The following RBL2 variants were observed in gnomAD, a reference collection of about 807,000 sequenced individuals.
RBL2 encodes the protein RB transcriptional corepressor like 2.
A neutral mutation model predicts 126.0 loss-of-function variants in RBL2; 56 were observed. That is an observed-to-expected ratio of 0.44 (90% CI 0.36 to 0.56). The LOEUF (loss-of-function observed/expected upper bound fraction) is 0.56. Ranked by LOEUF, RBL2 falls within the 20% of genes least tolerant of loss-of-function variation. The pLI, the probability that RBL2 is intolerant of heterozygous loss-of-function variation, is 0.00. For missense variants in RBL2, 1,229 were observed against 1,398.2 expected (o/e 0.88, Z 1.93); for synonymous variants, 454 against 478.5 (o/e 0.95, Z 0.67).
rs1466611015 is a variant in RBL2 at position 53,464,338 on chromosome 16, A to G, written c.1673A>G (p.Asp558Gly). The change falls in exon 12 of 22, where the codon GAT becomes GGT. Residue 558 changes from aspartate (D) to glycine (G), a missense_variant. Around this residue, in one of 2 missense-constraint regions of RBL2, gnomAD observed 1,070 missense variants for 1,274.3 expected, o/e 0.84. Transcript: ENST00000262133. ...TTTCCATTTATTACTGAAATATTTGATGTGCCTCTTTATCATTTTTATAAG... is the reference window on the plus strand; with the variant it reads ...TTTCCATTTATTACTGAAATATTTGGTGTGCCTCTTTATCATTTTTATAAG... ...GNFPFITEIF[D>G]VPLYHFYKVI... 2 of 1,580,552 alleles carry G rather than the reference A, an allele frequency of 1.3e-6. No individual in the cohort carries two copies. Among genetic ancestry groups the G allele is most frequent in the South Asian group, 1.1e-5 (1 of 89,270 alleles).
chr16:53,481,600 CAA>C (rs1960948677), intron 20 of RBL2, 69 bp from the exon 21 acceptor site: 3 of 1,331,906 alleles, frequency 2.3e-6, no homozygotes, highest in Non-Finnish European at 3.0e-6. Flanking sequence ...CCTCTTCACT[CAA>C]TAATCATTTT....
chr16:53,441,647 A>T (rs545635133), intron 2 of RBL2, among the ~76,000 whole-genome samples: 2 of 152,204 alleles, frequency 1.3e-5, no homozygotes, highest in Non-Finnish European at 2.9e-5. Flanking sequence ...TATAAAATGT[A>T]AAAACACGTA....
At chr16:53,483,352 G>A (rs1272977815) in intron 21 of RBL2, among the ~76,000 whole-genome samples, 1 of 152,162 alleles carries the variant, frequency 6.6e-6, no homozygotes, top group Non-Finnish European at 1.5e-5. Context: ...CTTGAGGCCA[G>A]GAGTTGGAGA....
intron 8 of RBL2, among the ~76,000 whole-genome samples, chr16:53,458,837 G>A (rs145841364): frequency 1.6e-3 from 251 of 152,244 alleles, no homozygotes; most frequent in African/African-American, 5.7e-3. Context: ...AGAATAGAAC[G>A]GGAAAGACTG....
At chr16:53,443,408 G>A (rs2058034705) in intron 3 of RBL2, 1 of 152,092 alleles carries the variant, frequency 6.6e-6, no homozygotes, top group Non-Finnish European at 1.5e-5. Flanking sequence ...ATGTCAAACT[G>A]AGTAATAAAT....
chr16:53,451,092 T>A (rs2058110403), intron 4 of RBL2, among the ~76,000 whole-genome samples: 1 of 152,216 alleles, frequency 6.6e-6, no homozygotes, highest in Admixed American at 6.5e-5. Context: ...GTGTTCAGAA[T>A]TTTCAAAGAA....
At chr16:53,483,137 A>C (rs1961022627) in intron 21 of RBL2, among the ~76,000 whole-genome samples, 1 of 152,198 alleles carries the variant, frequency 6.6e-6, no homozygotes, top group Non-Finnish European at 1.5e-5. Flanking sequence ...GCTTACTTTC[A>C]AACGGGTTGG....
chr16:53,460,705 T>C (rs2024449), intron 9 of RBL2, among the ~76,000 whole-genome samples: 68,735 of 151,936 alleles, frequency 0.45, 16,243 homozygotes, highest in Middle Eastern at 0.57. Context: ...GGTATGTGTG[T>C]GTGTGTTCCC....
chr16:53,449,991 A>G lies in RBL2; in HGVS notation c.638-1712A>G, dbSNP rs73606494. On this transcript the variant is annotated intron_variant, in intron 4 of 21. Coordinates refer to ENST00000262133, the MANE Select transcript of RBL2 (RefSeq NM_005611.4). ...TTTTTTTTTTTTGCCTTCTATGGCA[A>G]GTGCACACCAGTAACAAGTTTAGGC... Among the ~76,000 whole-genome samples the G allele has an allele frequency of 7.8e-3, 1,148 of 147,118 alleles. 9 individuals are homozygous for G. Among genetic ancestry groups the G allele is most frequent in the African/African-American group, 0.022 (865 of 39,644 alleles).
chr16:53,465,643 A>G (rs760202186), intron 13 of RBL2, 41 bp downstream of exon 13: 52 of 1,421,270 alleles, frequency 3.7e-5, no homozygotes, highest in Non-Finnish European at 4.8e-5. Context: ...AAATACATCA[A>G]TATCTAATCT....
At chr16:53,460,246 TC>T (rs1385825110) in intron 9 of RBL2, among the ~76,000 whole-genome samples, 1 of 152,144 alleles carries the variant, frequency 6.6e-6, no homozygotes, top group African/African-American at 2.4e-5. Context: ...ACCTCCAAGG[TC>T]CCTCTCAGTC....
intron 17 of RBL2, among the ~76,000 whole-genome samples, chr16:53,472,742 T>C (rs1038750238): frequency 6.6e-6 from 1 of 152,224 alleles, no homozygotes; most frequent in Non-Finnish European, 1.5e-5. Flanking sequence ...TTTGATGAAG[T>C]CCAGTTACCT....
rs778284602 is a variant in RBL2 at position 53,490,172 on chromosome 16, CCTA to C, written c.3296_3298del (p.Thr1099del). Reference sequence around the variant, plus strand: ...TAGTATGATACGCACAGGAGAAACTCCTACTAAAAAGAGAGGAATTCTTTTGGA... The same window carrying C: ...TAGTATGATACGCACAGGAGAAACTCCTAAAAAGAGAGGAATTCTTTTGGA... On this transcript the variant is annotated inframe_deletion, in exon 22 of 22. Coordinates refer to ENST00000262133, the MANE Select transcript of RBL2 (RefSeq NM_005611.4). 2.5e-6 allele frequency: 4 copies of C among 1,611,582 alleles called. No homozygotes were observed. In the Middle Eastern group the frequency reaches 6.6e-4, roughly 266 times the overall value.
intron 11 of RBL2, among the ~76,000 whole-genome samples, chr16:53,463,561 CTTTTTTTTTTTTTTT>C (rs770657237): frequency 4.2e-5 from 4 of 94,406 alleles, no homozygotes; most frequent in African/African-American, 8.7e-5. Flanking sequence ...TTTTTTTTTC[CTTTTTTTTTTTTTTT>C]TTTTTTTTTG....
intron 21 of RBL2, among the ~76,000 whole-genome samples, chr16:53,482,133 A>G (rs574189791): frequency 1.3e-5 from 2 of 152,184 alleles, no homozygotes; most frequent in Admixed American, 1.3e-4. Context: ...ATTTGTAACA[A>G]TTTTCCACAT....
intron 17 of RBL2, among the ~76,000 whole-genome samples, chr16:53,473,095 T>G (rs960333863): frequency 1.8e-4 from 28 of 152,214 alleles, no homozygotes; most frequent in African/African-American, 6.8e-4. Context: ...TTCTCTAGAT[T>G]AGAGAGTTGC....
At chr16:53,483,926 T>TAAAAAAAA in intron 21 of RBL2, among the ~76,000 whole-genome samples, 1 of 131,010 alleles carries the variant, frequency 7.6e-6, no homozygotes, top group Non-Finnish European at 1.6e-5. Flanking sequence ...CCTATCATAG[T>TAAAAAAAA]AAAAAAAAAA....
At chr16:53,464,400 A>G in intron 12 of RBL2, 37 bp downstream of exon 12, 1 of 1,481,908 alleles carries the variant, frequency 6.7e-7, no homozygotes, top group Non-Finnish European at 9.2e-7. Flanking sequence ...GGGATATTGT[A>G]GATGAGACCA....
intron 21 of RBL2, among the ~76,000 whole-genome samples, chr16:53,486,227 C>T (rs928557377): frequency 4.6e-5 from 7 of 151,676 alleles, no homozygotes; most frequent in East Asian, 1.9e-4. Context: ...CTAGAGCCTG[C>T]GTGGTCAAGG....
Sources: allele counts gnomAD v4.1 joint callset (sites outside exome capture counted in the v4.1 genomes callset), GRCh38; gene constraint gnomAD v4.1.1; regional missense constraint gnomAD v4.1.1; transcripts MANE v1.5; gene names NCBI Gene and HGNC (gene_info 2026-07-23, HGNC 2026-07-21).